TSPEAR: variants seen among roughly 807,000 people sequenced by gnomAD.
The protein encoded by TSPEAR is thrombospondin type laminin G domain and EAR repeats.
Under a neutral mutation model 71.6 loss-of-function variants are expected in TSPEAR, and 69 were observed. That is an observed-to-expected ratio of 0.96 (90% CI 0.79 to 1.18). The LOEUF (loss-of-function observed/expected upper bound fraction) is 1.18, where lower values mean the gene tolerates loss of function less well. Ranked by LOEUF, TSPEAR falls within the 50% of genes most tolerant of loss-of-function variation. TSPEAR has a pLI of 0.00. For missense variants in TSPEAR, 971 were observed against 894.9 expected, an observed-to-expected ratio of 1.09 and a Z score of -1.09; for synonymous variants, 402 against 387.2, an observed-to-expected ratio of 1.04 and a Z score of -0.45.
chr21:44,702,236 C>G (rs1555951632), intron 1 of TSPEAR: 2 of 1,601,392 alleles, frequency 1.2e-6, no homozygotes, highest in Non-Finnish European at 1.7e-6. Context: ...AGTGCTTCCA[C>G]CAACTCCTGG....
chr21:44,552,048 T>A (rs2003776), intron 2 of TSPEAR, among the ~76,000 whole-genome samples: 1 of 151,910 alleles, frequency 6.6e-6, no homozygotes, highest in Non-Finnish European at 1.5e-5. Context: ...GAGAAGGAGA[T>A]GGAATGTTCT....
At chr21:44,557,821 G>T in intron 2 of TSPEAR, 1 of 596,956 alleles carries the variant, frequency 1.7e-6, no homozygotes. Flanking sequence ...TTTGTTGACA[G>T]ACTGATCACT....
chr21:44,592,774 G>A lies in TSPEAR; in HGVS notation c.83-24769C>T, dbSNP rs934096705. Among the ~76,000 whole-genome samples, 8 of 152,144 alleles carry A rather than the reference G, an allele frequency of 5.3e-5. No individual in the cohort carries two copies. The South Asian group carries it at 8.3e-4, about 16-fold the overall frequency. ...CGGGGAGCTGGGAGAGCCACAGGTCGCGGCATCGTCCACCCCTGGCCCCAG... is the reference window on the plus strand; with the variant it reads ...CGGGGAGCTGGGAGAGCCACAGGTCACGGCATCGTCCACCCCTGGCCCCAG... On this transcript the variant is annotated intron_variant, in intron 1 of 11. Coordinates refer to ENST00000323084, the MANE Select transcript of TSPEAR (RefSeq NM_144991.3).
intron 1 of TSPEAR, among the ~76,000 whole-genome samples, chr21:44,663,806 T>G (rs1845712150): frequency 6.6e-6 from 1 of 152,094 alleles, no homozygotes; most frequent in Non-Finnish European, 1.5e-5. Context: ...CAAGGTTGGT[T>G]CAGTGTTAAA....
At chr21:44,685,122 C>T (rs1404520490) in intron 1 of TSPEAR, among the ~76,000 whole-genome samples, 7 of 152,114 alleles carry the variant, frequency 4.6e-5, no homozygotes, top group Admixed American at 6.5e-5. Context: ...ATTTCATTAA[C>T]ATGGTGTCTG....
Position 44,558,317 on chromosome 21 carries a change from G to A in TSPEAR, c.303+9468C>T, listed in dbSNP as rs782233273. 28 of 1,613,996 alleles carry A rather than the reference G, an allele frequency of 1.7e-5. 1 individual carries two copies. The South Asian group carries it at 3.0e-4, about 17-fold the overall frequency. On this transcript the variant is annotated intron_variant, in intron 2 of 11. Coordinates refer to ENST00000323084, the MANE Select transcript of TSPEAR (RefSeq NM_144991.3). ...GGCTAGACTGCTGGCAGCATGAAGA[G>A]GAAGCCCCAGAGCAGACGGGCACAC... is the stretch of plus-strand genomic sequence containing the variant.
Position 44,522,228 on chromosome 21 carries a change from A to G in TSPEAR, c.1337-116T>C, listed in dbSNP as rs233230. ...CCCCGAGGACCGAAGACCCACGAGG[A>G]CAAGGCCAACCGCTGGGGACATCCT... On this transcript the variant is annotated intron_variant, in intron 8 of 11. Transcript: ENST00000323084. The G allele has an allele frequency of 0.87, 848,944 of 974,928 alleles. 369,687 individuals are homozygous for G. Among genetic ancestry groups the G allele is most frequent in the East Asian group, 0.93 (37,743 of 40,556 alleles). The allele number at this position is 974,928 out of a possible 1,614,324, so 60.4% of individuals were successfully genotyped here. A position where few individuals can be genotyped will look rare whatever the true frequency, so the allele number is the denominator to read the frequency against.
At chr21:44,639,118 C>T (rs888508165) in intron 1 of TSPEAR, among the ~76,000 whole-genome samples, 1 of 152,180 alleles carries the variant, frequency 6.6e-6, no homozygotes, top group South Asian at 2.1e-4. Context: ...CTGCCCCATG[C>T]GGCCTCACCT....
chr21:44,595,570 C>T (rs587745421), intron 1 of TSPEAR, among the ~76,000 whole-genome samples: 3 of 152,290 alleles, frequency 2.0e-5, no homozygotes, highest in South Asian at 4.2e-4. Context: ...CGTGCTGGAG[C>T]CTTCTGAGCT....
intron 1 of TSPEAR, among the ~76,000 whole-genome samples, chr21:44,573,502 G>A (rs974439237): frequency 4.6e-5 from 7 of 152,124 alleles, no homozygotes; most frequent in African/African-American, 1.4e-4. Flanking sequence ...TCTAAAACAC[G>A]CACATGCGCC....
chr21:44,613,521 G>A (rs782122619), intron 1 of TSPEAR, among the ~76,000 whole-genome samples: 9 of 152,148 alleles, frequency 5.9e-5, no homozygotes, highest in Non-Finnish European at 1.3e-4. Context: ...GTCACCTGCC[G>A]GGAAGCTGGC....
In TSPEAR at chr21:44,575,082, C is replaced by T. The variant is rs587614289; in HGVS notation, c.83-7077G>A. The T allele has an allele frequency of 1.1e-4, 160 of 1,447,780 alleles. No homozygotes were observed. The African/African-American group carries it at 1.2e-3, about 11-fold the overall frequency. 89.7% of individuals were successfully genotyped at this position (1,447,780 alleles called of 1,614,324 possible). On this transcript the variant is annotated intron_variant, in intron 1 of 11. Coordinates refer to ENST00000323084, the MANE Select transcript of TSPEAR (RefSeq NM_144991.3). ...CAGGTCCCACCTGAAAGCTGATAGTCGCGTCCTGAATTGCTCCTGCACTTT... is the reference window on the plus strand; with the variant it reads ...CAGGTCCCACCTGAAAGCTGATAGTTGCGTCCTGAATTGCTCCTGCACTTT...
intron 1 of TSPEAR, among the ~76,000 whole-genome samples, chr21:44,615,695 A>G (rs1174897308): frequency 1.3e-5 from 2 of 152,076 alleles, no homozygotes; most frequent in African/African-American, 4.8e-5. Context: ...CAGCGAGTGC[A>G]GCTGAAGATG....
At chr21:44,706,481 ACACACCCACGCG>A (rs1987932364) in intron 1 of TSPEAR, among the ~76,000 whole-genome samples, 1 of 73,540 alleles carries the variant, frequency 1.4e-5, no homozygotes, top group African/African-American at 5.4e-5. Flanking sequence ...ACCCACGCGT[ACACACCCACGCG>A]CACACACCGC....
At chr21:44,693,362 C>T (rs1416895840) in intron 1 of TSPEAR, among the ~76,000 whole-genome samples, 2 of 152,214 alleles carry the variant, frequency 1.3e-5, no homozygotes, top group East Asian at 3.9e-4. Flanking sequence ...AATTGGACTT[C>T]ATCAAAATTT....
At chr21:44,514,913 C>T (rs587764707) in intron 9 of TSPEAR, among the ~76,000 whole-genome samples, 121 of 152,288 alleles carry the variant, frequency 7.9e-4, no homozygotes, top group Middle Eastern at 3.4e-3. Context: ...CCATGCCCAC[C>T]GACCATTCCC....
chr21:44,527,951 T>C (rs990374086), intron 6 of TSPEAR, among the ~76,000 whole-genome samples: 3 of 152,042 alleles, frequency 2.0e-5, no homozygotes, highest in Non-Finnish European at 2.9e-5. Flanking sequence ...TCTGTAAAAA[T>C]AACCTTTCAG....
At chr21:44,696,288 T>C (rs1207302995) in intron 1 of TSPEAR, among the ~76,000 whole-genome samples, 1 of 152,152 alleles carries the variant, frequency 6.6e-6, no homozygotes, top group Non-Finnish European at 1.5e-5. Context: ...ACAATCTGGG[T>C]TTCTCATTCT....
intron 1 of TSPEAR, chr21:44,676,276 G>T: frequency 1.6e-6 from 2 of 1,252,854 alleles, no homozygotes; most frequent in African/African-American, 1.5e-5. Flanking sequence ...CACCCCATGG[G>T]TCAGGGACTC....
Sources: allele counts gnomAD v4.1 joint callset (sites outside exome capture counted in the v4.1 genomes callset), GRCh38; gene constraint gnomAD v4.1.1; transcripts MANE v1.5; gene names NCBI Gene and HGNC (gene_info 2026-07-23, HGNC 2026-07-21).